Variants in MED9 observed in about 807,000 individuals in gnomAD.
MED9 encodes mediator of RNA polymerase II transcription subunit 9.
MED9 carries 8 observed loss-of-function variants against 13.2 expected under a neutral mutation model. The observed-to-expected ratio is 0.61, with a 90% CI of 0.36 to 1.10. The LOEUF (loss-of-function observed/expected upper bound fraction) is 1.10. MED9 is among the 50% of genes least tolerant of loss of function. The probability of loss-of-function intolerance (pLI) is 0.02; values close to 1 mark genes in which losing one functional copy is unlikely to be tolerated. For synonymous variants in MED9, 87 were observed against 82.8 expected (o/e 1.05, Z -0.28); for missense variants, 180 against 193.4 (o/e 0.93, Z 0.41).
intron 1 of MED9, among the ~76,000 whole-genome samples, chr17:17,489,538 C>T (rs979307936): frequency 1.8e-4 from 28 of 152,042 alleles, no homozygotes; most frequent in Admixed American, 7.2e-4. Flanking sequence ...AAATTCGTAA[C>T]GGTATGTTAA....
rs980418751 is a variant in MED9, at chr17:17,491,589, C to T, written c.*94C>T. 2.8e-5 allele frequency: 34 copies of T among 1,211,300 alleles called. No homozygotes were observed. The highest frequency in any genetic ancestry group is 2.3e-4 in the Middle Eastern group (1 of 4,424). 75.0% of individuals were successfully genotyped at this position (1,211,300 alleles called of 1,614,324 possible). On this transcript the variant is annotated 3_prime_UTR_variant, in exon 2 of 2. Coordinates refer to ENST00000268711, the MANE Select transcript of MED9 (RefSeq NM_018019.3). ...CTCCTTGGGGCGTGGTTCCTGTGGA[C>T]CCCAGCTCAGCTCGTCAAGCTGCAG...
At position 17,477,157 on chromosome 17, in the gene MED9, C is replaced by T. The variant is rs1489870796; in HGVS notation, c.116C>T (p.Pro39Leu). 1.2e-6 allele frequency: 2 copies of T among 1,609,634 alleles called. No individual in the cohort carries two copies. The highest frequency in any genetic ancestry group is 1.1e-5 in the South Asian group (1 of 90,686). ...CCGCCTCCTCAGCCGCCGCCGGTCC[C>T]TGCGCCTCAACCGCAGCAGTCGCCG... The part of the protein sequence containing the change: ...PLPPPQPPPV[P>L]APQPQQSPAP... The change falls in exon 1 of 2, where the codon CCT (proline) becomes CTT (leucine). Residue 39 changes from proline to leucine, a missense_variant. By Grantham distance (98) the Pro-to-Leu change is moderately conservative. Transcript: ENST00000268711.
chr17:17,477,375 A>C, intron 1 of MED9, 110 bp downstream of exon 1: 4 of 1,236,384 alleles, frequency 3.2e-6, no homozygotes, highest in Non-Finnish European at 4.4e-6. Context: ...CGTTTCACAG[A>C]TGGGGAAACT....
chr17:17,485,784 G>A (rs936014137), intron 1 of MED9: 14 of 158,966 alleles, frequency 8.8e-5, no homozygotes, highest in Admixed American at 1.3e-4. Flanking sequence ...GGATGAACAC[G>A]TTCTGGGCAT....
intron 1 of MED9, among the ~76,000 whole-genome samples, chr17:17,490,413 G>T (rs1006037026): frequency 5.3e-5 from 8 of 152,250 alleles, no homozygotes; most frequent in Non-Finnish European, 8.8e-5. Context: ...CTGCCCTCCA[G>T]TCTGGGCGAC....
intron 1 of MED9, among the ~76,000 whole-genome samples, chr17:17,482,175 T>G (rs912009795): frequency 2.0e-5 from 3 of 152,162 alleles, no homozygotes; most frequent in African/African-American, 7.2e-5. Context: ...GAATCAGCAC[T>G]GCAGCAAGCA....
intron 1 of MED9, chr17:17,485,256 C>A: frequency 2.5e-6 from 1 of 397,846 alleles, no homozygotes; most frequent in Non-Finnish European, 4.4e-6. Context: ...CGCCACCACG[C>A]CTTTGTAAAA....
At chr17:17,488,639 G>A (rs1360338069) in intron 1 of MED9, among the ~76,000 whole-genome samples, 1 of 152,188 alleles carries the variant, frequency 6.6e-6, no homozygotes, top group Non-Finnish European at 1.5e-5. Flanking sequence ...TTCGAGACCA[G>A]CCTGGCCAAC....
At chr17:17,485,016 T>C (rs1351462248) in intron 1 of MED9, 1 of 178,176 alleles carries the variant, frequency 5.6e-6, no homozygotes, top group African/African-American at 2.4e-5. Context: ...ATTTTATTTT[T>C]TATTTTTGAA....
chr17:17,477,303 C>G (rs1200242251), intron 1 of MED9, 38 bp downstream of exon 1: 5 of 1,524,670 alleles, frequency 3.3e-6, no homozygotes, highest in Non-Finnish European at 4.4e-6. Flanking sequence ...CATACTCCCT[C>G]CAGCTTCTCC....
chr17:17,485,479 A>G (rs1905111537), intron 1 of MED9: 1 of 387,606 alleles, frequency 2.6e-6, no homozygotes, highest in Non-Finnish European at 4.6e-6. Flanking sequence ...ACCTGGGTCC[A>G]CAGGAAGGCA....
chr17:17,477,901 GC>G (rs1169007822), intron 1 of MED9, among the ~76,000 whole-genome samples: 2 of 152,206 alleles, frequency 1.3e-5, no homozygotes, highest in Non-Finnish European at 2.9e-5. Context: ...CATCCTTTTG[GC>G]CAGCCTTCAG....
At chr17:17,487,816 G>A (rs1312254050) in intron 1 of MED9, 1 of 152,308 alleles carries the variant, frequency 6.6e-6, no homozygotes, top group Admixed American at 6.5e-5. Flanking sequence ...AATTGTATAT[G>A]TGTTAACATG....
intron 1 of MED9, among the ~76,000 whole-genome samples, chr17:17,488,842 AAG>A (rs1224529528): frequency 5.9e-5 from 9 of 152,116 alleles, no homozygotes; most frequent in Non-Finnish European, 1.3e-4. Context: ...AAAAAAAAAA[AAG>A]AAAAAAAGAA....
At chr17:17,479,912 A>G (rs1261118570) in intron 1 of MED9, among the ~76,000 whole-genome samples, 1 of 152,204 alleles carries the variant, frequency 6.6e-6, no homozygotes, top group African/African-American at 2.4e-5. Context: ...TTTGTTAACC[A>G]TGGCCTATCC....
intron 1 of MED9, chr17:17,486,183 G>C (rs1229946156): frequency 2.6e-5 from 4 of 153,838 alleles, no homozygotes; most frequent in African/African-American, 9.6e-5. Flanking sequence ...AGAGGTGACA[G>C]CGTGCTGGCA....
In MED9 at chr17:17,491,321, C is replaced by T; in HGVS notation, c.267C>T (p.Ala89=). The part of the protein sequence containing the change: ...DSPEVHQDLN[A]LKSKFQEMRK... ...CGGAGGTCCACCAGGACCTGAACGC[C>T]CTCAAAAGCAAGTTCCAGGAGATGC... is the stretch of plus-strand genomic sequence containing the variant. The change falls in exon 2 of 2, where the codon GCC becomes GCT. Residue 89 remains alanine (A), a synonymous_variant. Transcript: ENST00000268711. The T allele has an allele frequency of 6.2e-7, 1 of 1,613,994 alleles. No homozygotes were observed. The highest frequency in any genetic ancestry group is 8.5e-7 in the Non-Finnish European group (1 of 1,180,032).
chr17:17,478,170 ATTT>A (rs1283270615), intron 1 of MED9, among the ~76,000 whole-genome samples: 1 of 152,080 alleles, frequency 6.6e-6, no homozygotes. Flanking sequence ...GAATTTTTGT[ATTT>A]TTTGTAGAGA....
rs537994116 is a variant in MED9, at chr17:17,484,679, A to G, written c.225-6600A>G. Among the ~76,000 whole-genome samples the G allele has an allele frequency of 2.6e-5, 4 of 152,310 alleles. No individual in the cohort carries two copies. The South Asian group carries it at 6.2e-4, about 24-fold the overall frequency. On this transcript the variant is annotated intron_variant, in intron 1 of 1. Coordinates refer to ENST00000268711, the MANE Select transcript of MED9 (RefSeq NM_018019.3). ...GAGCAGCCACAGATAGGGGGTGTTCATAGACTGCTCAGATGAGGTGTTTCC... is the reference window on the plus strand; with the variant it reads ...GAGCAGCCACAGATAGGGGGTGTTCGTAGACTGCTCAGATGAGGTGTTTCC...
Sources: allele counts gnomAD v4.1 joint callset (sites outside exome capture counted in the v4.1 genomes callset), GRCh38; gene constraint gnomAD v4.1.1; transcripts MANE v1.5; gene names NCBI Gene and HGNC (gene_info 2026-07-23, HGNC 2026-07-21).